The following SPAG16 variants were observed in gnomAD, a reference collection of about 807,000 sequenced individuals.
SPAG16 encodes the protein sperm associated antigen 16, also known as sperm-associated antigen 16 protein.
SPAG16 carries 86 observed loss-of-function variants against 80.4 expected under a neutral mutation model. That is an observed-to-expected ratio of 1.07 (90% CI 0.90 to 1.28). The LOEUF (loss-of-function observed/expected upper bound fraction) is 1.28. Ranked by LOEUF, SPAG16 falls within the 50% of genes most tolerant of loss-of-function variation. The pLI is 0.00. For missense variants in SPAG16, 870 were observed against 765.3 expected (o/e 1.14, Z -1.61); for synonymous variants, 294 against 265.9 (o/e 1.11, Z -1.03).
chr2:213,342,382 A>G (rs1172900889), intron 6 of SPAG16, among the ~76,000 whole-genome samples: 2 of 147,780 alleles, frequency 1.4e-5, no homozygotes, highest in Non-Finnish European at 3.0e-5. Flanking sequence ...TGTATTATAT[A>G]TATATATAAA....
rs935380733 is a variant in SPAG16, at chr2:213,886,550, T to C, written c.1214+23922T>C. 5.3e-5 allele frequency among the ~76,000 whole-genome samples: 8 copies of C among 151,874 alleles called. No homozygotes were observed. The East Asian group carries it at 7.7e-4, about 15-fold the overall frequency. On this transcript the variant is annotated intron_variant, in intron 11 of 15. Transcript: ENST00000331683. ...AGTAGCAGCAGCAGCAGCAAAAACA[T>C]GAGAATAAAATCCACCCAAACAAAT...
chr2:214,251,012 C>T (rs946520472), intron 15 of SPAG16, among the ~76,000 whole-genome samples: 4 of 151,416 alleles, frequency 2.6e-5, no homozygotes, highest in Non-Finnish European at 5.9e-5. Flanking sequence ...ATCTAATATG[C>T]ACATAAAGCA....
intron 9 of SPAG16, among the ~76,000 whole-genome samples, chr2:213,414,772 A>G (rs1377388225): frequency 6.6e-6 from 1 of 152,258 alleles, no homozygotes; most frequent in Non-Finnish European, 1.5e-5. Context: ...AAACTATTTG[A>G]CCTAGAGTCT....
At chr2:214,284,779 G>A (rs138853916) in intron 15 of SPAG16, among the ~76,000 whole-genome samples, 10 of 150,412 alleles carry the variant, frequency 6.6e-5, no homozygotes, top group African/African-American at 1.5e-4. Flanking sequence ...CATTTTTAAG[G>A]TTGAATAATA....
intron 12 of SPAG16, among the ~76,000 whole-genome samples, chr2:213,952,749 A>G (rs991064572): frequency 1.1e-4 from 16 of 152,234 alleles, no homozygotes; most frequent in East Asian, 3.9e-4. Flanking sequence ...AATACTGTCC[A>G]TCGTAGATCC....
intron 5 of SPAG16, among the ~76,000 whole-genome samples, chr2:213,339,581 T>A (rs2064564969): frequency 6.6e-6 from 1 of 152,310 alleles, no homozygotes; most frequent in Non-Finnish European, 1.5e-5. Context: ...TTTTCTGTAT[T>A]ACAGCACTGA....
In SPAG16 at chr2:213,407,594, CAGGAGAGA is replaced by C. The variant is rs1257087480; in HGVS notation, c.942+32476_942+32483del. Among the ~76,000 whole-genome samples the C allele has an allele frequency of 5.7e-5, 6 of 104,520 alleles. No individual in the cohort carries two copies. The East Asian group carries it at 9.1e-4, about 16-fold the overall frequency. The allele number at this position is 104,520 out of a possible 152,430, so 68.6% of individuals were successfully genotyped here. On this transcript the variant is annotated intron_variant, in intron 9 of 15. Coordinates refer to ENST00000331683, the MANE Select transcript of SPAG16 (RefSeq NM_024532.5). ...GTCCCTACCCTAGGAGAGAGAGAGA[CAGGAGAGA>C]GAGAGAGAGAGAGAGAGAGAGAGAG...
chr2:214,084,197 C>T (rs1043497168), intron 13 of SPAG16, among the ~76,000 whole-genome samples: 25 of 152,180 alleles, frequency 1.6e-4, no homozygotes, highest in African/African-American at 5.8e-4. Context: ...TTCTCAGTCT[C>T]TCCCCTCTCT....
intron 13 of SPAG16, among the ~76,000 whole-genome samples, chr2:214,043,038 C>A (rs536337257): frequency 2.0e-5 from 3 of 151,746 alleles, no homozygotes; most frequent in Non-Finnish European, 4.4e-5. Context: ...TAAATAATGT[C>A]AAAAAAACTC....
intron 15 of SPAG16, among the ~76,000 whole-genome samples, chr2:214,365,639 C>G (rs1699431289): frequency 6.6e-6 from 1 of 152,066 alleles, no homozygotes; most frequent in Non-Finnish European, 1.5e-5. Context: ...CACAGTATTT[C>G]CATTATGATA....
intron 10 of SPAG16, among the ~76,000 whole-genome samples, chr2:213,554,967 G>T (rs2059383011): frequency 6.6e-6 from 1 of 151,916 alleles, no homozygotes; most frequent in African/African-American, 2.4e-5. Flanking sequence ...ACCCGAGAAA[G>T]ATAAAAATTA....
At chr2:213,692,367 T>C (rs1439049163) in intron 10 of SPAG16, among the ~76,000 whole-genome samples, 2 of 152,220 alleles carry the variant, frequency 1.3e-5, no homozygotes, top group African/African-American at 2.4e-5. Context: ...CTTAATGGAA[T>C]CTGCTGGAGA....
chr2:213,485,845 A>AG (rs1458460979), intron 9 of SPAG16, among the ~76,000 whole-genome samples: 1 of 152,110 alleles, frequency 6.6e-6, no homozygotes. Flanking sequence ...TGGGTACTCA[A>AG]GGGACTCATG....
At chr2:213,702,256 A>T (rs761435794) in intron 10 of SPAG16, among the ~76,000 whole-genome samples, 5 of 152,206 alleles carry the variant, frequency 3.3e-5, no homozygotes, top group Non-Finnish European at 5.9e-5. Flanking sequence ...AATCAGCAGG[A>T]TGTGGGTGGG....
At chr2:214,108,481 C>A (rs868027984) in intron 14 of SPAG16, among the ~76,000 whole-genome samples, 838 of 74,804 alleles carry the variant, frequency 0.011, 10 homozygotes, top group African/African-American at 0.055. Flanking sequence ...ACACACACAC[C>A]CCCACACACA....
At chr2:213,735,372 AC>A (rs2067236944) in intron 10 of SPAG16, among the ~76,000 whole-genome samples, 1 of 152,160 alleles carries the variant, frequency 6.6e-6, no homozygotes, top group African/African-American at 2.4e-5. Flanking sequence ...GACAGTTGTA[AC>A]AAACATCCCC....
chr2:213,522,181 A>C (rs1447842194), intron 10 of SPAG16, among the ~76,000 whole-genome samples: 1 of 152,234 alleles, frequency 6.6e-6, no homozygotes, highest in African/African-American at 2.4e-5. Flanking sequence ...CCAGGTCCTG[A>C]ATAGGAGGAG....
intron 10 of SPAG16, among the ~76,000 whole-genome samples, chr2:213,842,144 G>A (rs1184710754): frequency 6.6e-6 from 1 of 152,024 alleles, no homozygotes; most frequent in Non-Finnish European, 1.5e-5. Flanking sequence ...TTTTCCAAAG[G>A]CAAAATTTTC....
intron 11 of SPAG16, among the ~76,000 whole-genome samples, chr2:213,888,121 G>C (rs574366415): frequency 6.6e-6 from 1 of 151,978 alleles, no homozygotes; most frequent in South Asian, 2.1e-4. Flanking sequence ...TGGATGCTTT[G>C]AATAGACTTA....
Sources: gnomAD v4.1 joint callset for allele counts (sites outside exome capture counted in the v4.1 genomes callset) on GRCh38, gnomAD v4.1.1 for gene constraint, MANE v1.5 for transcripts, NCBI Gene and HGNC (gene_info 2026-07-23, HGNC 2026-07-21) for gene names.